Variants in LGSN observed in about 807,000 individuals in gnomAD.
The protein encoded by LGSN is lengsin, lens protein with glutamine synthetase domain, also known as lengsin.
Under a neutral mutation model 19.5 loss-of-function variants are expected in LGSN, and 21 were observed. The observed-to-expected ratio is 1.07, with a 90% CI of 0.76 to 1.55. LGSN has a LOEUF of 1.55. Ranked by LOEUF, LGSN falls within the 40% of genes most tolerant of loss-of-function variation. The pLI is 0.00. For missense variants in LGSN, 673 were observed against 608.5 expected (o/e 1.11, Z -1.12); for synonymous variants, 257 against 215.6 (o/e 1.19, Z -1.68).
chr6:63,503,734 G>T, the LGSN span, among the ~76,000 whole-genome samples: 1 of 152,102 alleles, frequency 6.6e-6, no homozygotes, highest in African/African-American at 2.4e-5. Flanking sequence ...GGGCAACATG[G>T]TGAAACCCCG....
the LGSN span, among the ~76,000 whole-genome samples, chr6:63,493,384 A>G: frequency 1.2e-4 from 18 of 152,134 alleles, no homozygotes; most frequent in African/African-American, 4.3e-4. Context: ...ACAAAAGTCC[A>G]TTTTCTTTCC....
the LGSN span, among the ~76,000 whole-genome samples, chr6:63,422,523 T>C: frequency 2.0e-5 from 3 of 152,150 alleles, no homozygotes; most frequent in African/African-American, 7.2e-5. Flanking sequence ...CTATAAATTA[T>C]CTAAAAAATA....
At chr6:63,453,758 A>G in the LGSN span, among the ~76,000 whole-genome samples, 1,825 of 152,028 alleles carry the variant, frequency 0.012, 30 homozygotes, top group African/African-American at 0.034. Flanking sequence ...GGTTCACACC[A>G]TTCTCCTGCC....
chr6:63,376,143 TC>T, the LGSN span, among the ~76,000 whole-genome samples: 1 of 152,166 alleles, frequency 6.6e-6, no homozygotes, highest in Non-Finnish European at 1.5e-5. Context: ...TTGCCCATGT[TC>T]CCCCGATGCT....
the LGSN span, among the ~76,000 whole-genome samples, chr6:63,477,134 A>G: frequency 6.6e-6 from 1 of 152,250 alleles, no homozygotes; most frequent in Non-Finnish European, 1.5e-5. Context: ...TAGGAATGCC[A>G]TTTTAGAGTT....
chr6:63,356,143 T>A, the LGSN span, among the ~76,000 whole-genome samples: 1 of 152,202 alleles, frequency 6.6e-6, no homozygotes, highest in African/African-American at 2.4e-5. Context: ...CTGCAAACAC[T>A]GTATTTAAAA....
the LGSN span, among the ~76,000 whole-genome samples, chr6:63,485,213 T>G: frequency 6.6e-6 from 1 of 152,086 alleles, no homozygotes; most frequent in Non-Finnish European, 1.5e-5. Context: ...TAGGCCCCAG[T>G]GTGTGTTGTT....
the LGSN span, among the ~76,000 whole-genome samples, chr6:63,410,981 T>C: frequency 8.2e-3 from 1,255 of 152,256 alleles, 14 homozygotes; most frequent in South Asian, 0.025. Context: ...GGCTATTTCT[T>C]GGGGATATTT....
chr6:63,308,580 A>G (rs935838811), intron 1 of LGSN, among the ~76,000 whole-genome samples: 5 of 151,272 alleles, frequency 3.3e-5, no homozygotes, highest in Admixed American at 2.6e-4. Context: ...TTTAGTTTTA[A>G]TTTTCTCTAA....
the LGSN span, among the ~76,000 whole-genome samples, chr6:63,421,381 T>C: frequency 1.3e-5 from 2 of 150,332 alleles, no homozygotes; most frequent in Non-Finnish European, 2.9e-5. Flanking sequence ...AAGATCATCA[T>C]GCCACTGCAC....
At chr6:63,306,713 C>CA (rs1045913015) in intron 1 of LGSN, among the ~76,000 whole-genome samples, 3 of 152,028 alleles carry the variant, frequency 2.0e-5, no homozygotes, top group Admixed American at 6.6e-5. Flanking sequence ...AGACAGATTA[C>CA]AAAAAAACAC....
At chr6:63,410,734 T>G in the LGSN span, among the ~76,000 whole-genome samples, 2 of 152,212 alleles carry the variant, frequency 1.3e-5, no homozygotes, top group Non-Finnish European at 2.9e-5. Context: ...CAAGAACCTA[T>G]GACATGTGTT....
the LGSN span, among the ~76,000 whole-genome samples, chr6:63,529,131 G>GTGTGTATATATATATGTATATATA: frequency 7.6e-6 from 1 of 131,190 alleles, no homozygotes; most frequent in African/African-American, 3.1e-5. Context: ...GTATATATAT[G>GTGTGTATATATATATGTATATATA]TGTGTGTATA....
chr6:63,547,275 C>T, the LGSN span, among the ~76,000 whole-genome samples: 5 of 149,844 alleles, frequency 3.3e-5, no homozygotes, highest in Admixed American at 6.7e-5. Flanking sequence ...CTGCAACCTG[C>T]GCCTCCCAGG....
chr6:63,549,614 A>G, the LGSN span: 1 of 519,002 alleles, frequency 1.9e-6, no homozygotes, highest in Non-Finnish European at 3.4e-6. Flanking sequence ...ACACAATGGA[A>G]TACTAATTAT....
chr6:63,520,601 A>C, the LGSN span, among the ~76,000 whole-genome samples: 1 of 151,708 alleles, frequency 6.6e-6, no homozygotes, highest in Non-Finnish European at 1.5e-5. Context: ...ACTTCACTCC[A>C]GCCTGGGTGA....
intron 1 of LGSN, among the ~76,000 whole-genome samples, chr6:63,300,140 C>T (rs1455189662): frequency 6.6e-6 from 1 of 152,178 alleles, no homozygotes; most frequent in East Asian, 1.9e-4. Flanking sequence ...TGGCCCTGCC[C>T]TTCCTCCTCC....
At chr6:63,416,459 A>G in the LGSN span, among the ~76,000 whole-genome samples, 10 of 152,336 alleles carry the variant, frequency 6.6e-5, no homozygotes, top group Middle Eastern at 3.4e-3. Flanking sequence ...AATAAATGAA[A>G]TTTAAAATTC....
At chr6:63,495,456 C>CTTTTTTTT in the LGSN span, among the ~76,000 whole-genome samples, 22 of 77,738 alleles carry the variant, frequency 2.8e-4, no homozygotes, top group Admixed American at 4.4e-4. Flanking sequence ...TTTTCTTTTT[C>CTTTTTTTT]TTTTTTTTTT....
Sources: gnomAD v4.1 joint callset for allele counts (sites outside exome capture counted in the v4.1 genomes callset) on GRCh38, gnomAD v4.1.1 for gene constraint, MANE v1.5 for transcripts, NCBI Gene and HGNC (gene_info 2026-07-23, HGNC 2026-07-21) for gene names.